Variants in NECTIN3 observed in about 807,000 individuals in gnomAD.
NECTIN3 encodes nectin-3.
In NECTIN3, 8 loss-of-function variants were observed where a neutral mutation model predicts 49.4. That is an observed-to-expected ratio of 0.16 (90% CI 0.10 to 0.29). The LOEUF (loss-of-function observed/expected upper bound fraction) is 0.29, where lower values mean the gene tolerates loss of function less well. NECTIN3 is among the 10% of genes least tolerant of loss of function. The pLI is 1.00. For synonymous variants in NECTIN3, 277 were observed against 241.1 expected, an observed-to-expected ratio of 1.15 and a Z score of -1.38; for missense variants, 581 against 654.6, an observed-to-expected ratio of 0.89 and a Z score of 1.23.
At chr3:111,125,069 C>T (rs1387830067) in intron 4 of NECTIN3, among the ~76,000 whole-genome samples, 2 of 142,188 alleles carry the variant, frequency 1.4e-5, no homozygotes, top group African/African-American at 5.2e-5. Context: ...CACCCTGTCA[C>T]CCAGGCTAGA....
At chr3:111,111,186 C>T (rs2033444734) in intron 1 of NECTIN3, among the ~76,000 whole-genome samples, 1 of 152,096 alleles carries the variant, frequency 6.6e-6, no homozygotes, top group South Asian at 2.1e-4. Flanking sequence ...TGAGCAGCAT[C>T]GTGCTTGACT....
chr3:111,072,346 G>C (rs1331080385), intron 1 of NECTIN3, 169 bp downstream of exon 1: 1 of 1,450,220 alleles, frequency 6.9e-7, no homozygotes. Context: ...GCGAGGCCCT[G>C]GAAGGGCCAG....
chr3:111,143,296 G>A (rs1282844065), intron 5 of NECTIN3, among the ~76,000 whole-genome samples: 1 of 151,504 alleles, frequency 6.6e-6, no homozygotes, highest in Admixed American at 6.6e-5. Context: ...AGAAAATGAA[G>A]GTCACCATGA....
At chr3:111,089,669 T>C (rs984454967) in intron 1 of NECTIN3, among the ~76,000 whole-genome samples, 29 of 152,148 alleles carry the variant, frequency 1.9e-4, no homozygotes, top group African/African-American at 6.5e-4. Context: ...TTTCAGTCTT[T>C]GGGCCCAATA....
intron 1 of NECTIN3, among the ~76,000 whole-genome samples, chr3:111,105,150 CT>C (rs63305862): frequency 0.78 from 105,001 of 134,690 alleles, 42,746 homozygotes; most frequent in South Asian, 0.91. Context: ...TTTCTTTTTT[CT>C]TTTTTTTTTG....
chr3:111,177,173 AAAAG>A (rs1382671981), intron 7 of NECTIN3, among the ~76,000 whole-genome samples: 1 of 152,180 alleles, frequency 6.6e-6, no homozygotes, highest in Non-Finnish European at 1.5e-5. Flanking sequence ...TAAGTTTTTA[AAAAG>A]AAGAACTGAG....
chr3:111,135,705 G>C lies in NECTIN3; in HGVS notation c.*1490G>C, dbSNP rs2034552328. On this transcript the variant is annotated 3_prime_UTR_variant, in exon 6 of 6. Transcript: ENST00000485303. ...GGTACTTTTTAAACCCTCCCAACCAGCCCTTTCTCAATATTCATCAAATCT... is the reference window on the plus strand; with the variant it reads ...GGTACTTTTTAAACCCTCCCAACCACCCCTTTCTCAATATTCATCAAATCT... 1.0e-6 allele frequency: 1 copy of C among 956,670 alleles called. No homozygotes were observed. The highest frequency in any genetic ancestry group is 6.2e-5 in the Admixed American group (1 of 16,122). The allele number at this position is 956,670 out of a possible 1,614,324, so 59.3% of individuals were successfully genotyped here.
chr3:111,114,270 T>C (rs1265944814), intron 2 of NECTIN3, among the ~76,000 whole-genome samples: 2 of 152,136 alleles, frequency 1.3e-5, no homozygotes, highest in Admixed American at 1.3e-4. Context: ...CTTTTATGGG[T>C]GTTTCTCTTT....
intron 7 of NECTIN3, among the ~76,000 whole-genome samples, chr3:111,147,929 A>G (rs2034914725): frequency 6.6e-6 from 1 of 152,160 alleles, no homozygotes; most frequent in African/African-American, 2.4e-5. Context: ...GAATCAGTTC[A>G]CGTTAATTCA....
chr3:111,121,671 G>T (rs1030219151), intron 3 of NECTIN3, among the ~76,000 whole-genome samples: 2 of 152,100 alleles, frequency 1.3e-5, no homozygotes, highest in Non-Finnish European at 2.9e-5. Context: ...CCTCTTAGAA[G>T]ATATTTCCTT....
At chr3:111,110,547 T>C (rs865948715) in intron 1 of NECTIN3, among the ~76,000 whole-genome samples, 1 of 151,962 alleles carries the variant, frequency 6.6e-6, no homozygotes, top group Non-Finnish European at 1.5e-5. Context: ...TTTTTGTTGA[T>C]ATTCATGAGA....
At chr3:111,096,778 G>A (rs991448442) in intron 1 of NECTIN3, among the ~76,000 whole-genome samples, 1 of 152,178 alleles carries the variant, frequency 6.6e-6, no homozygotes, top group African/African-American at 2.4e-5. Context: ...GGTGCACAGA[G>A]GTCAAGAATT....
intron 5 of NECTIN3, among the ~76,000 whole-genome samples, chr3:111,132,119 C>T (rs1185929734): frequency 6.6e-6 from 1 of 151,770 alleles, no homozygotes; most frequent in Non-Finnish European, 1.5e-5. Context: ...CATGATCCTT[C>T]AATTCTACAC....
intron 7 of NECTIN3, among the ~76,000 whole-genome samples, chr3:111,183,791 TCTC>T (rs1474167792): frequency 6.6e-6 from 1 of 152,178 alleles, no homozygotes; most frequent in African/African-American, 2.4e-5. Flanking sequence ...TCTTTGATTT[TCTC>T]TTTATTGTTA....
intron 7 of NECTIN3, among the ~76,000 whole-genome samples, chr3:111,169,132 C>T (rs1375857381): frequency 7.1e-6 from 1 of 140,694 alleles, no homozygotes; most frequent in Admixed American, 7.2e-5. Context: ...CTCTGTCGCC[C>T]AGGCTGGAGT....
intron 1 of NECTIN3, among the ~76,000 whole-genome samples, chr3:111,091,074 T>C (rs976676158): frequency 2.0e-5 from 3 of 152,110 alleles, no homozygotes; most frequent in Non-Finnish European, 4.4e-5. Context: ...TATAGAGTTA[T>C]GCAGCTATCA....
chr3:111,172,909 C>A (rs1313524692), intron 7 of NECTIN3, among the ~76,000 whole-genome samples: 1 of 152,188 alleles, frequency 6.6e-6, no homozygotes, highest in African/African-American at 2.4e-5. Flanking sequence ...GCAAATCATT[C>A]CAAGCTGCTT....
chr3:111,152,021 T>A (rs2035009622), intron 7 of NECTIN3, among the ~76,000 whole-genome samples: 1 of 151,860 alleles, frequency 6.6e-6, no homozygotes, highest in Non-Finnish European at 1.5e-5. Context: ...TATATACATA[T>A]ACCTTGTTAC....
chr3:111,082,641 G>A (rs2031687036), intron 1 of NECTIN3, among the ~76,000 whole-genome samples: 1 of 152,100 alleles, frequency 6.6e-6, no homozygotes. Context: ...CAACTTTTTT[G>A]GCACCAGGGA....
Sources: gnomAD v4.1 joint callset for allele counts (sites outside exome capture counted in the v4.1 genomes callset) on GRCh38, gnomAD v4.1.1 for gene constraint, MANE v1.5 for transcripts, NCBI Gene and HGNC (gene_info 2026-07-23, HGNC 2026-07-21) for gene names.